Variants in GPHN observed in about 807,000 individuals in gnomAD.
GPHN encodes the protein gephyrin.
A neutral mutation model predicts 95.5 loss-of-function variants in GPHN; 17 were observed. The observed-to-expected ratio is 0.18, with a 90% CI of 0.12 to 0.27. The LOEUF is 0.27. Among genes scored for constraint, GPHN ranks in the 10% least tolerant of loss-of-function variants. The probability of loss-of-function intolerance (pLI) is 1.00; values close to 1 mark genes in which losing one functional copy is unlikely to be tolerated. For missense variants in GPHN, 660 were observed against 978.1 expected, an observed-to-expected ratio of 0.67 and a Z score of 4.34; for synonymous variants, 320 against 322.5, an observed-to-expected ratio of 0.99 and a Z score of 0.08.
At chr14:67,018,378 C>G (rs76920154) in intron 9 of GPHN, among the ~76,000 whole-genome samples, 1 of 151,550 alleles carries the variant, frequency 6.6e-6, no homozygotes, top group East Asian at 1.9e-4. Context: ...TTTTTAATGG[C>G]TGGTGTAATC....
the GPHN span, chr14:67,320,135 C>CT: frequency 8.6e-7 from 1 of 1,160,584 alleles, no homozygotes; most frequent in African/African-American, 1.6e-5. Flanking sequence ...ATAAATTGTG[C>CT]TTTTGTCTAA....
At chr14:67,696,770 G>C in the GPHN span, among the ~76,000 whole-genome samples, 1 of 152,028 alleles carries the variant, frequency 6.6e-6, no homozygotes, top group South Asian at 2.1e-4. Flanking sequence ...GAAAGTGGAG[G>C]GTGTTTTAAC....
chr14:66,687,813 A>G (rs1214811521), intron 2 of GPHN, among the ~76,000 whole-genome samples: 1 of 152,096 alleles, frequency 6.6e-6, no homozygotes, highest in Non-Finnish European at 1.5e-5. Context: ...CAATTCATAA[A>G]CATAGGATGT....
intron 1 of GPHN, among the ~76,000 whole-genome samples, chr14:66,562,552 A>G (rs1470114703): frequency 6.6e-6 from 1 of 152,142 alleles, no homozygotes; most frequent in Non-Finnish European, 1.5e-5. Context: ...GAGAGTACTC[A>G]ATGATTAGTA....
intron 1 of GPHN, among the ~76,000 whole-genome samples, chr14:66,566,865 C>T (rs978709140): frequency 1.2e-4 from 18 of 152,116 alleles, no homozygotes; most frequent in African/African-American, 4.3e-4. Context: ...GAGTTAGCTT[C>T]TTTAGAGTTC....
intron 1 of GPHN, among the ~76,000 whole-genome samples, chr14:66,543,070 A>C (rs141762470): frequency 6.6e-6 from 1 of 152,254 alleles, no homozygotes; most frequent in East Asian, 1.9e-4. Flanking sequence ...ACACACTTTT[A>C]AACAACCAGA....
chr14:67,641,097 A>G, the GPHN span, among the ~76,000 whole-genome samples: 1 of 152,204 alleles, frequency 6.6e-6, no homozygotes. Flanking sequence ...CCAAACAATC[A>G]TATTGTCCAC....
chr14:67,339,245 C>T, the GPHN span, among the ~76,000 whole-genome samples: 1 of 152,108 alleles, frequency 6.6e-6, no homozygotes, highest in East Asian at 1.9e-4. Context: ...GATCCACCCG[C>T]CTTGGCCTCC....
chr14:66,845,415 A>G (rs1326812608), intron 4 of GPHN, among the ~76,000 whole-genome samples: 2 of 152,210 alleles, frequency 1.3e-5, no homozygotes, highest in East Asian at 1.9e-4. Flanking sequence ...AGACTATTCT[A>G]TGAATAAAAG....
intron 10 of GPHN, among the ~76,000 whole-genome samples, chr14:67,028,096 T>TAA (rs2074016028): frequency 6.6e-6 from 1 of 152,206 alleles, no homozygotes; most frequent in Non-Finnish European, 1.5e-5. Flanking sequence ...TCAACTTTTT[T>TAA]AACTCCCACA....
chr14:66,755,483 T>G (rs906706631), intron 2 of GPHN, among the ~76,000 whole-genome samples: 1 of 152,240 alleles, frequency 6.6e-6, no homozygotes, highest in Non-Finnish European at 1.5e-5. Context: ...ACTCCTTTTA[T>G]TGGCAAAATT....
chr14:67,659,696 G>GAA, the GPHN span: 24 of 1,369,270 alleles, frequency 1.8e-5, no homozygotes, highest in South Asian at 4.2e-5. Flanking sequence ...GGCCCTTAAA[G>GAA]GAAAAAAAAA....
At chr14:67,080,843 G>A (rs2076667229) in intron 11 of GPHN, among the ~76,000 whole-genome samples, 2 of 152,102 alleles carry the variant, frequency 1.3e-5, no homozygotes, top group South Asian at 4.1e-4. Flanking sequence ...CCACTTATAA[G>A]TGAGAACATA....
intron 3 of GPHN, among the ~76,000 whole-genome samples, chr14:66,803,941 A>G (rs544588691): frequency 6.6e-6 from 1 of 151,900 alleles, no homozygotes; most frequent in Non-Finnish European, 1.5e-5. Flanking sequence ...ATTTTCTTGA[A>G]CATATTAATC....
intron 2 of GPHN, among the ~76,000 whole-genome samples, chr14:66,766,017 G>A (rs2058950605): frequency 6.6e-6 from 1 of 152,148 alleles, no homozygotes; most frequent in Admixed American, 6.6e-5. Flanking sequence ...AGAACAACCA[G>A]TTTAAGCAGG....
intron 5 of GPHN, among the ~76,000 whole-genome samples, chr14:66,884,126 T>C (rs888857545): frequency 1.3e-5 from 2 of 152,058 alleles, no homozygotes; most frequent in Non-Finnish European, 2.9e-5. Context: ...TTACCTTAGT[T>C]CTTTAGACAA....
intron 1 of GPHN, among the ~76,000 whole-genome samples, chr14:66,653,134 C>G (rs1320115155): frequency 5.3e-5 from 8 of 152,020 alleles, no homozygotes; most frequent in Non-Finnish European, 1.2e-4. Flanking sequence ...TTGCAGTGTT[C>G]CCAGCATCCT....
the GPHN span, among the ~76,000 whole-genome samples, chr14:67,356,729 C>T: frequency 1.5e-4 from 23 of 152,296 alleles, no homozygotes; most frequent in Admixed American, 1.2e-3. Context: ...CATGTGCCTC[C>T]CCTTAAAGAG....
At chr14:67,151,659 T>C (rs1258342971) in intron 18 of GPHN, among the ~76,000 whole-genome samples, 1 of 152,202 alleles carries the variant, frequency 6.6e-6, no homozygotes, top group Non-Finnish European at 1.5e-5. Context: ...TTTTTGTTTT[T>C]TTGAGACAGT....
Sources: gnomAD v4.1 joint callset for allele counts (sites outside exome capture counted in the v4.1 genomes callset) on GRCh38, gnomAD v4.1.1 for gene constraint, MANE v1.5 for transcripts, NCBI Gene and HGNC (gene_info 2026-07-23, HGNC 2026-07-21) for gene names.